CHIT1: variants seen among roughly 807,000 people sequenced by gnomAD.
CHIT1 encodes chitinase 1.
In CHIT1, 47 loss-of-function variants were observed where a neutral mutation model predicts 52.0. That is an observed-to-expected ratio of 0.90 (90% CI 0.71 to 1.15). The LOEUF (loss-of-function observed/expected upper bound fraction) is 1.15, where lower values mean the gene tolerates loss of function less well. Among genes scored for constraint, CHIT1 ranks in the 50% most tolerant of loss-of-function variants. The probability of loss-of-function intolerance (pLI) is 0.00; values close to 1 mark genes in which losing one functional copy is unlikely to be tolerated. For synonymous variants in CHIT1, 242 were observed against 228.2 expected, an observed-to-expected ratio of 1.06 and a Z score of -0.54; for missense variants, 569 against 583.0, an observed-to-expected ratio of 0.98 and a Z score of 0.25.
chr1:203,229,370 C>T (rs1489469941), intron 1 of CHIT1, among the ~76,000 whole-genome samples: 1 of 152,192 alleles, frequency 6.6e-6, no homozygotes, highest in African/African-American at 2.4e-5. Flanking sequence ...CATCTTCAGC[C>T]TGTTGAGAAA....
chr1:203,225,377 G>T (rs770969141), intron 3 of CHIT1, among the ~76,000 whole-genome samples: 7 of 152,074 alleles, frequency 4.6e-5, no homozygotes, highest in African/African-American at 1.7e-4. Context: ...GAACACTGGA[G>T]CTGAAGGGTG....
At position 203,222,251 on chromosome 1, in the gene CHIT1, G is replaced by A; in HGVS notation, c.680C>T (p.Pro227Leu). 6.2e-7 allele frequency: 1 copy of A among 1,614,170 alleles called. No homozygotes were observed. Among genetic ancestry groups the A allele is most frequent in the Non-Finnish European group, 8.5e-7 (1 of 1,180,026 alleles). The change falls in exon 7 of 11, where the codon CCC (proline) becomes CTC (leucine). Residue 227 changes from proline (P) to leucine (L), a missense_variant. Pro to Leu is a moderately conservative substitution (Grantham distance 98). Coordinates refer to ENST00000367229, the MANE Select transcript of CHIT1 (RefSeq NM_003465.3). ...ACTCTCTTCTTGCCTCTTGTAGAGG[G>A]GGCTGTTATGTCCCGTGACCTTCTC... ...SWEKVTGHNS[P>L]LYKRQEESGA...
intron 2 of CHIT1, among the ~76,000 whole-genome samples, chr1:203,227,629 T>C (rs1417150): frequency 0.53 from 80,167 of 152,004 alleles, 21,961 homozygotes; most frequent in East Asian, 0.93. Flanking sequence ...AAAGTTAATA[T>C]ATGTAAAACA....
intron 7 of CHIT1, 149 bp downstream of exon 7, chr1:203,222,053 C>G: frequency 4.2e-6 from 5 of 1,201,962 alleles, no homozygotes; most frequent in Non-Finnish European, 5.8e-6. Context: ...GAAAATAGAA[C>G]AAAACAAGCA....
intron 2 of CHIT1, among the ~76,000 whole-genome samples, chr1:203,226,295 C>CT (rs1042194930): frequency 2.6e-4 from 40 of 152,212 alleles, no homozygotes; most frequent in Admixed American, 5.2e-4. Context: ...GCAGGCAGGT[C>CT]TCCCTATCCC....
rs1361235025 is a variant in CHIT1 at position 203,216,434 on chromosome 1, T to C, written c.*455A>G. ...GTGCGTGAAGGTCCGCAGAAGCTCC[T>C]GTTTCCAGGCTTCTGAGCCAATAAC... is the stretch of plus-strand genomic sequence containing the variant. On this transcript the variant is annotated 3_prime_UTR_variant, in exon 11 of 11. Transcript: ENST00000367229. The C allele has an allele frequency of 6.6e-6, 3 of 454,918 alleles. No individual in the cohort carries two copies. Among genetic ancestry groups the C allele is most frequent in the Non-Finnish European group, 8.8e-6 (2 of 227,492 alleles). The allele number at this position is 454,918 out of a possible 1,614,324, so 28.2% of individuals were successfully genotyped here.
Position 203,223,667 on chromosome 1 carries a change from G to A in CHIT1, c.315-7C>T, listed in dbSNP as rs1223020599. Reference sequence around the variant, plus strand: ...GGCTACCATATCTGTGAACCTGTGAGGTGATGAAGGGGAGTAAGGGCCGGC... The same window carrying A: ...GGCTACCATATCTGTGAACCTGTGAAGTGATGAAGGGGAGTAAGGGCCGGC... On this transcript the variant is annotated splice_polypyrimidine_tract_variant and splice_region_variant and intron_variant, in intron 4 of 10. Transcript: ENST00000367229. 3 of 1,614,194 alleles carry A rather than the reference G, an allele frequency of 1.9e-6. No individual in the cohort carries two copies. Among genetic ancestry groups the A allele is most frequent in the Non-Finnish European group, 1.7e-6 (2 of 1,180,012 alleles).
chr1:203,217,822 C>CAGACCATGGCCCTGCCCAGTCCCT lies in CHIT1; in HGVS notation c.1072_1073insAGGGACTGGGCAGGGCCATGGTCT (p.Val357_Trp358insTer), dbSNP rs1553274590. The CAGACCATGGCCCTGCCCAGTCCCT allele has an allele frequency of 1.9e-6, 3 of 1,612,362 alleles. No individual in the cohort carries two copies. Among genetic ancestry groups the CAGACCATGGCCCTGCCCAGTCCCT allele is most frequent in the Admixed American group, 1.7e-5 (1 of 59,834 alleles). ...GGCAAAGTCATCTAAGTCCAGTGCC[C>CAGACCATGGCCCTGCCCAGTCCCT]AGACCATGGCCCCGCCCAGTCCCTT... On this transcript the variant is annotated stop_gained, in exon 10 of 11. Transcript: ENST00000367229. LOFTEE classifies it high-confidence loss of function.
chr1:203,216,384 T>C lies in CHIT1; in HGVS notation c.*505A>G, dbSNP rs1656527026. 1 of 454,004 alleles carries C rather than the reference T, an allele frequency of 2.2e-6. No homozygotes were observed. Among genetic ancestry groups the C allele is most frequent in the African/African-American group, 2.0e-5 (1 of 50,000 alleles). The allele number at this position is 454,004 out of a possible 1,614,324, so 28.1% of individuals were successfully genotyped here. ...AGGGAAAAGTTCTTCTCTGCTGCCA[T>C]CTAGTGGCATTTTGGGAATAACACG... On this transcript the variant is annotated 3_prime_UTR_variant, in exon 11 of 11. Coordinates refer to ENST00000367229, the MANE Select transcript of CHIT1 (RefSeq NM_003465.3).
intron 1 of CHIT1, 149 bp downstream of exon 1, chr1:203,229,463 G>A (rs1021476040): frequency 1.2e-6 from 1 of 846,156 alleles, no homozygotes; most frequent in Non-Finnish European, 1.9e-6. Flanking sequence ...GGGACTGCAA[G>A]CCAGGAGGCA....
rs1656541928 is a variant in CHIT1 at position 203,216,721 on chromosome 1, G to A, written c.*168C>T. ...TGCAAGTGAAAGGGGCAGCCCAGGA[G>A]ACCCAGAAAAAAGGAAGGCAAGGCT... is the stretch of plus-strand genomic sequence containing the variant. On this transcript the variant is annotated 3_prime_UTR_variant, in exon 11 of 11. Coordinates refer to ENST00000367229, the MANE Select transcript of CHIT1 (RefSeq NM_003465.3). 2.3e-6 allele frequency: 2 copies of A among 860,754 alleles called. No homozygotes were observed. Among genetic ancestry groups the A allele is most frequent in the East Asian group, 2.6e-5 (1 of 38,296 alleles). The allele number at this position is 860,754 out of a possible 1,614,324, so 53.3% of individuals were successfully genotyped here.
chr1:203,224,218 T>A (rs556786574), intron 4 of CHIT1, among the ~76,000 whole-genome samples: 1 of 152,296 alleles, frequency 6.6e-6, no homozygotes, highest in Admixed American at 6.5e-5. Flanking sequence ...CTGTTACTAG[T>A]CCAGAGTTCG....
chr1:203,227,153 C>T (rs1340237), intron 2 of CHIT1, among the ~76,000 whole-genome samples: 39,768 of 151,974 alleles, frequency 0.26, 5,278 homozygotes, highest in Admixed American at 0.28. Flanking sequence ...AGAGACCGCT[C>T]AGGCAGGCCT....
Position 203,225,706 on chromosome 1 carries a change from C to T in CHIT1, c.220G>A (p.Glu74Lys), listed in dbSNP as rs137852607. ...CCATTGAACTCCTGGTAGAGAGTCT[C>T]GTCATTCCACTCAGTGGTGCTCAGC... is the stretch of plus-strand genomic sequence containing the variant. ...HQLSTTEWND[E>K]TLYQEFNGLK... Residue 74 changes from glutamate to lysine, a missense_variant, in exon 3 of 11, where the codon GAG becomes AAG. Transcript: ENST00000367229. 7,105 of 1,613,996 alleles carry T rather than the reference C, an allele frequency of 4.4e-3. 26 individuals are homozygous for T. The highest frequency in any genetic ancestry group is 4.8e-3 in the Non-Finnish European group (5,622 of 1,179,938).
intron 3 of CHIT1, 106 bp downstream of exon 3, chr1:203,225,563 T>C (rs1216525045): frequency 1.7e-6 from 2 of 1,147,632 alleles, no homozygotes; most frequent in Non-Finnish European, 2.6e-6. Context: ...AGCCACACAG[T>C]GGGTCTGTGG....
intron 4 of CHIT1, among the ~76,000 whole-genome samples, chr1:203,224,203 T>G (rs996300266): frequency 6.6e-6 from 1 of 152,206 alleles, no homozygotes; most frequent in Admixed American, 6.5e-5. Context: ...TTTGTGTTTT[T>G]GTTGCTGTTA....
Position 203,225,843 on chromosome 1 carries a change from A to G in CHIT1, c.83T>C (p.Phe28Ser), listed in dbSNP as rs1312381268. 1.2e-6 allele frequency: 2 copies of G among 1,614,140 alleles called. No individual in the cohort carries two copies. The highest frequency in any genetic ancestry group is 3.3e-5 in the Admixed American group (2 of 60,024). ...WGSAAKLVCY[F>S]TNWAQYRQGE... ...CTGTCTGTACTGGGCCCAGTTGGTG[A>G]AGTAGCAGACCAGTTTTGCAGCAGA... The change falls in exon 3 of 11, where the codon TTC (phenylalanine) becomes TCC (serine). Residue 28 changes from phenylalanine to serine, a missense_variant. Phe to Ser is a radical substitution (Grantham distance 155, BLOSUM62 -2). Coordinates refer to ENST00000367229, the MANE Select transcript of CHIT1 (RefSeq NM_003465.3).
Position 203,217,111 on chromosome 1 carries a change from G to A in CHIT1, c.1179C>T (p.Gly393=). The change falls in exon 11 of 11, where the codon GGC becomes GGT. Residue 393 remains glycine (G), a synonymous_variant. Coordinates refer to ENST00000367229, the MANE Select transcript of CHIT1 (RefSeq NM_003465.3). ...QELSLPYLPS[G]TPELEVPKPG... is the part of the protein sequence containing the mutation. Reference sequence around the variant, plus strand: ...GTTTTGGAACTTCAAGCTCTGGGGTGCCTGAAGGCAAGTATGGAAGACCTG... The same window carrying A: ...GTTTTGGAACTTCAAGCTCTGGGGTACCTGAAGGCAAGTATGGAAGACCTG... The A allele has an allele frequency of 2.5e-6, 4 of 1,608,458 alleles. No homozygotes were observed. Among genetic ancestry groups the A allele is most frequent in the Non-Finnish European group, 2.5e-6 (3 of 1,179,992 alleles).
chr1:203,228,389 G>A (rs1657003059), intron 2 of CHIT1, 144 bp downstream of exon 2: 1 of 870,694 alleles, frequency 1.1e-6, no homozygotes, highest in Non-Finnish European at 1.9e-6. Context: ...GTAGCAGATG[G>A]GGACATTTGC....
Sources: allele counts gnomAD v4.1 joint callset (sites outside exome capture counted in the v4.1 genomes callset), GRCh38; gene constraint gnomAD v4.1.1; transcripts MANE v1.5; gene names NCBI Gene and HGNC (gene_info 2026-07-23, HGNC 2026-07-21).